Variants in F7 observed in about 807,000 individuals in gnomAD.
F7 encodes coagulation factor VII, also known as FVII coagulation protein.
Under a neutral mutation model 47.5 loss-of-function variants are expected in F7, and 38 were observed. The observed-to-expected ratio is 0.80, with a 90% CI of 0.62 to 1.05. F7 has a LOEUF of 1.05. Ranked by LOEUF, F7 falls within the 50% of genes least tolerant of loss-of-function variation. The pLI, the probability that F7 is intolerant of heterozygous loss-of-function variation, is 0.00. For missense variants in F7, 575 were observed against 605.4 expected (o/e 0.95, Z 0.53); for synonymous variants, 244 against 258.5 (o/e 0.94, Z 0.54).
At chr13:113,114,738 A>G (rs1025139225) in intron 4 of F7, 5 of 153,530 alleles carry the variant, frequency 3.3e-5, no homozygotes, top group African/African-American at 1.2e-4. Flanking sequence ...AGGCCCCACC[A>G]TACATCACAT....
intron 2 of F7, among the ~76,000 whole-genome samples, chr13:113,112,168 C>T (rs538153881): frequency 1.5e-5 from 2 of 135,912 alleles, no homozygotes; most frequent in African/African-American, 5.6e-5. Flanking sequence ...CCACAGGACA[C>T]CTCACAGAGG....
chr13:113,107,291 A>G (rs1413757212), intron 1 of F7, among the ~76,000 whole-genome samples: 800 of 52,906 alleles, frequency 0.015, 25 homozygotes, highest in African/African-American at 0.058. Context: ...GTGTCCCAGG[A>G]GTGTGGGTGT....
intron 2 of F7, 110 bp downstream of exon 2, chr13:113,110,960 G>A: frequency 1.6e-6 from 2 of 1,273,748 alleles, no homozygotes; most frequent in Non-Finnish European, 2.1e-6. Context: ...CGGCGAACAC[G>A]CAGCGGCGCC....
At chr13:113,114,050 C>T in intron 4 of F7, 90 bp downstream of exon 4, 1 of 1,410,062 alleles carries the variant, frequency 7.1e-7, no homozygotes, top group South Asian at 1.2e-5. Context: ...GGTGCACAAC[C>T]TGGTGGGGTG....
chr13:113,116,955 G>A (rs1199776987), intron 6 of F7, 80 bp downstream of exon 6: 6 of 1,196,722 alleles, frequency 5.0e-6, no homozygotes, highest in Non-Finnish European at 7.5e-6. Flanking sequence ...CTCTGGAAGG[G>A]AAAATGGGCA....
chr13:113,119,029 G>A lies in F7; in HGVS notation c.*21G>A, dbSNP rs867974252. 3 of 1,593,374 alleles carry A rather than the reference G, an allele frequency of 1.9e-6. No individual in the cohort carries two copies. In the South Asian group the frequency reaches 3.3e-5, roughly 18 times the overall value. ...CCTAGCCCAGCAGCCCTGGCCTGTG[G>A]AGAGAAAGCCAAGGCTGCGTCGAAC... On this transcript the variant is annotated 3_prime_UTR_variant, in exon 8 of 8. Transcript: ENST00000346342.
At chr13:113,111,289 C>T (rs976750240) in intron 2 of F7, among the ~76,000 whole-genome samples, 5 of 152,156 alleles carry the variant, frequency 3.3e-5, no homozygotes, top group African/African-American at 1.2e-4. Context: ...GGAGAAACAA[C>T]ACTTAGGGAC....
At chr13:113,110,883 G>A in intron 2 of F7, 33 bp downstream of exon 2, 1 of 1,548,082 alleles carries the variant, frequency 6.5e-7, no homozygotes. Context: ...CCGCGCCGCG[G>A]ACACTGCAGG....
intron 1 of F7, chr13:113,110,482 G>C: frequency 2.7e-5 from 16 of 598,634 alleles, no homozygotes; most frequent in Non-Finnish European, 4.4e-5. Context: ...CGGAAGCAGA[G>C]AGGCCAGGCC....
At chr13:113,108,646 C>T (rs1253602114) in intron 1 of F7, among the ~76,000 whole-genome samples, 1 of 116,444 alleles carries the variant, frequency 8.6e-6, no homozygotes. Context: ...GCGTGGGTGT[C>T]CCGGGAGTGT....
Position 113,118,670 on chromosome 13 carries a change from C to G in F7, c.997C>G (p.Leu333Val). The G allele has an allele frequency of 9.3e-6, 15 of 1,612,806 alleles. No individual in the cohort carries two copies. Among genetic ancestry groups the G allele is most frequent in the Non-Finnish European group, 1.3e-5 (15 of 1,179,924 alleles). Reference protein sequence around the residue: ...GQLLDRGATALELMVLNVPRL... With the variant: ...GQLLDRGATAVELMVLNVPRL... ...GCTGCTGGACCGTGGCGCCACGGCC[C>G]TGGAGCTCATGGTCCTCAACGTGCC... is the stretch of plus-strand genomic sequence containing the variant. Residue 333 changes from leucine to valine, a missense_variant, in exon 8 of 8, where the codon CTG (leucine) becomes GTG (valine). Leu to Val is a conservative substitution (Grantham distance 32, BLOSUM62 1). Transcript: ENST00000346342.
chr13:113,108,854 G>A (rs1595069916), intron 1 of F7, among the ~76,000 whole-genome samples: 2 of 73,428 alleles, frequency 2.7e-5, no homozygotes, highest in Admixed American at 1.3e-4. Context: ...TGGGTGTCCC[G>A]GGAGTGTGGG....
intron 1 of F7, among the ~76,000 whole-genome samples, chr13:113,108,658 G>C (rs1317028939): frequency 5.4e-5 from 7 of 128,506 alleles, no homozygotes; most frequent in African/African-American, 1.9e-4. Context: ...CGGGAGTGTG[G>C]GTGTTCCAGA....
At position 113,118,673 on chromosome 13, in the gene F7, G is replaced by A; in HGVS notation, c.1000G>A (p.Glu334Lys). The stretch of plus-strand genomic sequence containing the variant: ...GCTGGACCGTGGCGCCACGGCCCTG[G>A]AGCTCATGGTCCTCAACGTGCCCCG... ...QLLDRGATAL[E>K]LMVLNVPRLM... The change falls in exon 8 of 8, where the codon GAG (glutamate) becomes AAG (lysine). Residue 334 changes from glutamate to lysine, a missense_variant. Glu to Lys is a moderately conservative substitution (Grantham distance 56, BLOSUM62 1). Transcript: ENST00000346342. The A allele has an allele frequency of 4.3e-6, 7 of 1,612,882 alleles. No homozygotes were observed. The highest frequency in any genetic ancestry group is 5.9e-6 in the Non-Finnish European group (7 of 1,179,966).
chr13:113,110,434 C>T (rs2036068008), intron 1 of F7: 1 of 452,482 alleles, frequency 2.2e-6, no homozygotes, highest in Admixed American at 4.6e-5. Context: ...GGCCCGGCTT[C>T]CGCGCGTGCC....
chr13:113,117,973 G>T (rs1566910099), intron 7 of F7, among the ~76,000 whole-genome samples: 1 of 152,224 alleles, frequency 6.6e-6, no homozygotes, highest in Non-Finnish European at 1.5e-5. Flanking sequence ...AAAAGACTGG[G>T]GGCTTCTGCC....
intron 4 of F7, chr13:113,114,679 C>G (rs2036162959): frequency 6.5e-6 from 1 of 154,854 alleles, no homozygotes; most frequent in South Asian, 2.0e-4. Flanking sequence ...ACCCGCATGG[C>G]TGACCTCAGT....
At position 113,116,822 on chromosome 13, in the gene F7, C is replaced by G. The variant is rs267606790; in HGVS notation, c.562C>G (p.Gln188Glu). 3.7e-6 allele frequency: 6 copies of G among 1,613,918 alleles called. No homozygotes were observed. The highest frequency in any genetic ancestry group is 4.2e-6 in the Non-Finnish European group (5 of 1,180,034). The change falls in exon 6 of 8, where the codon CAA becomes GAA. Residue 188 changes from glutamine to glutamate, a missense_variant. By Grantham distance (29) the Gln-to-Glu change is conservative. Transcript: ENST00000346342. ...ILEKRNASKP[Q>E]GRIVGGKVCP... ...AGAAAAAAGAAATGCCAGCAAACCC[C>G]AAGGCCGAATTGTGGGGGGCAAGGT...
At chr13:113,110,448 G>C (rs994448494) in intron 1 of F7, 66 of 476,270 alleles carry the variant, frequency 1.4e-4, no homozygotes, top group Non-Finnish European at 1.8e-4. Context: ...GCGTGCCCCC[G>C]AGCGCGCCCT....
Sources: gnomAD v4.1 joint callset for allele counts (sites outside exome capture counted in the v4.1 genomes callset) on GRCh38, gnomAD v4.1.1 for gene constraint, MANE v1.5 for transcripts, NCBI Gene and HGNC (gene_info 2026-07-23, HGNC 2026-07-21) for gene names.